ABCB9: variants seen among roughly 807,000 people sequenced by gnomAD.
ABCB9 encodes the protein ATP binding cassette subfamily B member 9.
ABCB9 carries 36 observed loss-of-function variants against 62.0 expected under a neutral mutation model. The observed-to-expected ratio is 0.58, with a 90% CI of 0.45 to 0.77. The LOEUF is 0.77. Ranked by LOEUF, ABCB9 falls within the 30% of genes least tolerant of loss-of-function variation. The pLI, the probability that ABCB9 is intolerant of heterozygous loss-of-function variation, is 0.00. For missense variants in ABCB9, 943 were observed against 1,054.7 expected (o/e 0.89, Z 1.47); for synonymous variants, 435 against 461.4 (o/e 0.94, Z 0.73).
intron 7 of ABCB9, among the ~76,000 whole-genome samples, chr12:122,943,794 G>A (rs2035893220): frequency 6.6e-6 from 1 of 150,736 alleles, no homozygotes. Context: ...CTTTCTTTTT[G>A]AGACACGGTC....
In ABCB9 at chr12:122,940,341, T is replaced by C; in HGVS notation, c.1570-57A>G. 6.6e-7 allele frequency: 1 copy of C among 1,508,648 alleles called. No individual in the cohort carries two copies. The highest frequency in any genetic ancestry group is 8.9e-7 in the Non-Finnish European group (1 of 1,126,932). 93.5% of individuals were successfully genotyped at this position (1,508,648 alleles called of 1,614,324 possible). A position where few individuals can be genotyped will look rare whatever the true frequency, so the allele number is the denominator to read the frequency against. ...TATCGGCTCAGGTCCCAGGACTGGA[T>C]GCCCTGACCTTGGACACAGGTGGGT... On this transcript the variant is annotated intron_variant, in intron 8 of 11. Coordinates refer to ENST00000280560, the MANE Select transcript of ABCB9 (RefSeq NM_019625.4). The surrounding 1 kb of genome is among the most constrained non-coding windows in gnomAD (Gnocchi z 4.8).
intron 2 of ABCB9, among the ~76,000 whole-genome samples, chr12:122,957,498 T>C (rs982284085): frequency 4.6e-5 from 7 of 152,088 alleles, no homozygotes; most frequent in African/African-American, 1.4e-4. Flanking sequence ...CCAGGCCTCG[T>C]TGCCCCCAGA....
chr12:122,940,025 C>A lies in ABCB9; in HGVS notation c.1743+86G>T. On this transcript the variant is annotated intron_variant, in intron 9 of 11. Coordinates refer to ENST00000280560, the MANE Select transcript of ABCB9 (RefSeq NM_019625.4). This position sits in a 1 kb window ranked among gnomAD's most constrained non-coding sequence, Gnocchi z 4.8. ...TTGAACTGTCCATTTATCTCTAGTG[C>A]CCTCTTCCGCACCTGTTACAGCTCA... 2 of 1,478,282 alleles carry A rather than the reference C, an allele frequency of 1.4e-6. No individual in the cohort carries two copies. Among genetic ancestry groups the A allele is most frequent in the Non-Finnish European group, 1.8e-6 (2 of 1,095,432 alleles). 91.6% of individuals were successfully genotyped at this position (1,478,282 alleles called of 1,614,324 possible).
At position 122,973,662 on chromosome 12, in the gene ABCB9, C is replaced by A. The variant is rs368263747; in HGVS notation, c.-88+1053G>T. ...GGACCACGAGGTCAGGAGATCAAGACCATCCTGGCTAACACGGTGAAACCC... is the reference window on the plus strand; with the variant it reads ...GGACCACGAGGTCAGGAGATCAAGAACATCCTGGCTAACACGGTGAAACCC... On this transcript the variant is annotated intron_variant, in intron 1 of 11. Coordinates refer to the ABCB9 transcript ENST00000392439. Among the ~76,000 whole-genome samples the A allele has an allele frequency of 3.5e-5, 5 of 143,208 alleles. No individual in the cohort carries two copies. The East Asian group carries it at 8.3e-4, about 24-fold the overall frequency. 94.0% of individuals were successfully genotyped at this position (143,208 alleles called of 152,430 possible). A position where few individuals can be genotyped will look rare whatever the true frequency, so the allele number is the denominator to read the frequency against.
At chr12:122,973,578 GAAAAAAAAAAAAAAAA>G (rs57853191) in intron 1 of ABCB9, among the ~76,000 whole-genome samples, 7 of 50,338 alleles carry the variant, frequency 1.4e-4, no homozygotes, top group Non-Finnish European at 2.1e-4. Flanking sequence ...CTCAAAAAAA[GAAAAAAAAAAAAAAAA>G]AAAAAAAAAA....
At chr12:122,919,889 A>ATTT (rs56820012), downstream of ABCB9, among the ~76,000 whole-genome samples, 234 of 111,738 alleles carry the variant, frequency 2.1e-3, 2 homozygotes, top group African/African-American at 7.6e-3. Context: ...TTGTTTATTT[A>ATTT]TTTATTTATT....
rs186989067 is a variant in ABCB9 at position 122,930,563 on chromosome 12, C to A, written c.2041-392G>T. 1.3e-5 allele frequency among the ~76,000 whole-genome samples: 2 copies of A among 152,066 alleles called. No individual in the cohort carries two copies. Among genetic ancestry groups the A allele is most frequent in the Admixed American group, 6.6e-5 (1 of 15,248 alleles). On this transcript the variant is annotated intron_variant, in intron 11 of 11. Coordinates refer to ENST00000280560, the MANE Select transcript of ABCB9 (RefSeq NM_019625.4). This position sits in a 1 kb window ranked among gnomAD's most constrained non-coding sequence, Gnocchi z 4.9. ...GCTAGGGGATTACAGGTGCCCGCCA[C>A]CATACCCAGCTAATTTTTGTATTTT...
In ABCB9 at chr12:122,948,843, G is replaced by T. The variant is rs368132229; in HGVS notation, c.848-14C>A. 2.6e-6 allele frequency: 4 copies of T among 1,521,896 alleles called. No homozygotes were observed. The highest frequency in any genetic ancestry group is 2.6e-6 in the Non-Finnish European group (3 of 1,134,478). 94.3% of individuals were successfully genotyped at this position (1,521,896 alleles called of 1,614,324 possible). ...AGATGAGGTCCCCTGGAACACACGC[G>T]GCTCAGCTCTCACCACAGCAACCCG... On this transcript the variant is annotated splice_polypyrimidine_tract_variant and intron_variant, in intron 4 of 11. Coordinates refer to ENST00000280560, the MANE Select transcript of ABCB9 (RefSeq NM_019625.4).
chr12:122,940,723 T>C lies in ABCB9; in HGVS notation c.1569+84A>G. ...TTGCCTGACATATTCCCAGCTGCCCTGCCACAGCCTGGTGTATAGGAGGTG... is the reference window on the plus strand; with the variant it reads ...TTGCCTGACATATTCCCAGCTGCCCCGCCACAGCCTGGTGTATAGGAGGTG... On this transcript the variant is annotated intron_variant, in intron 8 of 11. Coordinates refer to ENST00000280560, the MANE Select transcript of ABCB9 (RefSeq NM_019625.4). The surrounding 1 kb of genome is among the most constrained non-coding windows in gnomAD (Gnocchi z 4.8). The C allele has an allele frequency of 7.0e-7, 1 of 1,435,990 alleles. No individual in the cohort carries two copies. The highest frequency in any genetic ancestry group is 9.2e-7 in the Non-Finnish European group (1 of 1,081,666). 89.0% of individuals were successfully genotyped at this position (1,435,990 alleles called of 1,614,324 possible). A position where few individuals can be genotyped will look rare whatever the true frequency, so the allele number is the denominator to read the frequency against.
Position 122,929,541 on chromosome 12 carries a change from C to T in ABCB9, c.*370G>A. Reference sequence around the variant, plus strand: ...CCTGGCTCAGAAGTTTCTAGAACATCTTGGTGAAAGTGCCCGCCATTACTC... The same window carrying T: ...CCTGGCTCAGAAGTTTCTAGAACATTTTGGTGAAAGTGCCCGCCATTACTC... On this transcript the variant is annotated 3_prime_UTR_variant, in exon 12 of 12. Transcript: ENST00000280560. The surrounding 1 kb of genome is among the most constrained non-coding windows in gnomAD (Gnocchi z 6.0). The T allele has an allele frequency of 9.7e-7, 1 of 1,033,654 alleles. No homozygotes were observed. Among genetic ancestry groups the T allele is most frequent in the Non-Finnish European group, 1.2e-6 (1 of 861,940 alleles). 64.0% of individuals were successfully genotyped at this position (1,033,654 alleles called of 1,614,324 possible).
At chr12:122,920,196 A>G (rs986574778), downstream of ABCB9, among the ~76,000 whole-genome samples, 3 of 152,062 alleles carry the variant, frequency 2.0e-5, no homozygotes, top group African/African-American at 7.2e-5. Context: ...ACCTGTTTAA[A>G]TGGTCAACTT....
intron 1 of ABCB9, among the ~76,000 whole-genome samples, chr12:122,962,539 T>G (rs2135921855): frequency 6.6e-6 from 1 of 152,310 alleles, no homozygotes; most frequent in African/African-American, 2.4e-5. Flanking sequence ...GGTTTCCATA[T>G]TCCCGTTTAC....
In ABCB9 at chr12:122,929,783, T is replaced by C; in HGVS notation, c.*128A>G. The C allele has an allele frequency of 2.1e-6, 3 of 1,419,616 alleles. No homozygotes were observed. Among genetic ancestry groups the C allele is most frequent in the Non-Finnish European group, 2.8e-6 (3 of 1,088,138 alleles). The allele number at this position is 1,419,616 out of a possible 1,614,324, so 87.9% of individuals were successfully genotyped here. ...GCAAGATGCAGGAAGCGGTGATCCA[T>C]GGGACATGGCAGGTCGTCTTTCAGT... On this transcript the variant is annotated 3_prime_UTR_variant, in exon 12 of 12. Coordinates refer to ENST00000280560, the MANE Select transcript of ABCB9 (RefSeq NM_019625.4). This position sits in a 1 kb window ranked among gnomAD's most constrained non-coding sequence, Gnocchi z 6.0.
In ABCB9 at chr12:122,947,532, G is replaced by A. The variant is rs999132054; in HGVS notation, c.1053+1092C>T. 2.5e-5 allele frequency: 11 copies of A among 448,238 alleles called. No homozygotes were observed. Among genetic ancestry groups the A allele is most frequent in the Middle Eastern group, 3.3e-4 (1 of 3,038 alleles). 27.8% of individuals were successfully genotyped at this position (448,238 alleles called of 1,614,324 possible). A position where few individuals can be genotyped will look rare whatever the true frequency, so the allele number is the denominator to read the frequency against. Reference sequence around the variant, plus strand: ...AGCCCCTGCTCTAGAAGTACCCCACGTGGGCCTGGGTGACTGTGAGGGGGT... The same window carrying A: ...AGCCCCTGCTCTAGAAGTACCCCACATGGGCCTGGGTGACTGTGAGGGGGT... On this transcript the variant is annotated intron_variant, in intron 5 of 11. Coordinates refer to ENST00000280560, the MANE Select transcript of ABCB9 (RefSeq NM_019625.4). This position sits in a 1 kb window ranked among gnomAD's most constrained non-coding sequence, Gnocchi z 6.0.
chr12:122,962,127 C>G (rs1475955544), intron 1 of ABCB9, among the ~76,000 whole-genome samples: 1 of 152,168 alleles, frequency 6.6e-6, no homozygotes, highest in African/African-American at 2.4e-5. Context: ...TTTTCTGAAT[C>G]TTGATGTCTG....
chr12:122,962,754 C>T (rs1041833317), intron 1 of ABCB9, among the ~76,000 whole-genome samples: 1 of 152,194 alleles, frequency 6.6e-6, no homozygotes, highest in Admixed American at 6.5e-5. Context: ...TTCCTGTGAG[C>T]CCTGCCCTGC....
intron 9 of ABCB9, among the ~76,000 whole-genome samples, chr12:122,938,359 C>A (rs1279108501): frequency 6.6e-6 from 1 of 151,790 alleles, no homozygotes; most frequent in Non-Finnish European, 1.5e-5. Context: ...CATGGTGAGA[C>A]CACATTTCTA....
rs146522886 is a variant in ABCB9 at position 122,940,869 on chromosome 12, G to A, written c.1507C>T (p.Arg503Trp). The change falls in exon 8 of 12, where the codon CGG (arginine) becomes TGG (tryptophan). Residue 503 changes from arginine (R) to tryptophan (W), a missense_variant. Arg to Trp is a moderately radical substitution (Grantham distance 101, BLOSUM62 -3). Transcript: ENST00000280560. The surrounding 1 kb of genome is among the most constrained non-coding windows in gnomAD (Gnocchi z 4.8). ...AAGGTCACATTCTCAAAGTCCACCC[G>A]GCCCTCCAGGTGGTCGGGGGCCAAG... ...GSLAPDHLEG[R>W]VDFENVTFTY... is the part of the protein sequence containing the mutation. 10 of 1,611,798 alleles carry A rather than the reference G, an allele frequency of 6.2e-6. No homozygotes were observed. Among genetic ancestry groups the A allele is most frequent in the Non-Finnish European group, 8.5e-6 (10 of 1,178,996 alleles).
At chr12:122,974,559 G>A (rs528795878) in intron 1 of ABCB9, 1 of 152,376 alleles carries the variant, frequency 6.6e-6, no homozygotes, top group South Asian at 2.1e-4. Flanking sequence ...GCAAAGGTCC[G>A]GGGAGAGAAG....
Sources: gnomAD v4.1 joint callset for allele counts (sites outside exome capture counted in the v4.1 genomes callset) on GRCh38, gnomAD v4.1.1 for gene constraint, Gnocchi (gnomAD v3.1) non-coding constraint, MANE v1.5 for transcripts, NCBI Gene and HGNC (gene_info 2026-07-23, HGNC 2026-07-21) for gene names.